NXN: variants seen among roughly 807,000 people sequenced by gnomAD.
NXN encodes the protein nucleoredoxin, also known as nucleoredoxin 1.
A neutral mutation model predicts 48.6 loss-of-function variants in NXN; 16 were observed. The ratio of observed to expected loss-of-function variants is 0.33; its 90% confidence interval spans 0.22 to 0.50. NXN has a LOEUF of 0.50. Ranked by LOEUF, NXN falls within the 20% of genes least tolerant of loss-of-function variation. NXN has a pLI of 0.98. For missense variants in NXN, 492 were observed against 605.5 expected (o/e 0.81, Z 1.97); for synonymous variants, 281 against 269.6 (o/e 1.04, Z -0.41).
Position 958,056 on chromosome 17 carries a change from C to T in NXN, c.360+21263G>A, listed in dbSNP as rs773855688. 3.9e-5 allele frequency among the ~76,000 whole-genome samples: 6 copies of T among 152,160 alleles called. No individual in the cohort carries two copies. Among genetic ancestry groups the T allele is most frequent in the African/African-American group, 9.7e-5 (4 of 41,434 alleles). ...CCTCTCGCTCCATCCTATACTTAGG[C>T]GCCTCGGCAGGATCAAATGAACCCT... On this transcript the variant is annotated intron_variant, in intron 1 of 7. Transcript: ENST00000336868. The surrounding 1 kb of genome is among the most constrained non-coding windows in gnomAD (Gnocchi z 6.9).
intron 1 of NXN, among the ~76,000 whole-genome samples, chr17:947,508 G>A (rs141666986): frequency 0.03 from 4,516 of 151,602 alleles, 209 homozygotes; most frequent in African/African-American, 0.1. Context: ...CGAGGTGGGC[G>A]GATCACTTGA....
chr17:937,247 G>A (rs979042979), intron 1 of NXN, among the ~76,000 whole-genome samples: 1 of 152,098 alleles, frequency 6.6e-6, no homozygotes, highest in Non-Finnish European at 1.5e-5. Context: ...GCCTCCCAAG[G>A]TGCTGGGTGC....
At chr17:862,956 GT>G (rs2068055974) in intron 1 of NXN, among the ~76,000 whole-genome samples, 1 of 152,142 alleles carries the variant, frequency 6.6e-6, no homozygotes, top group Admixed American at 6.5e-5. Flanking sequence ...GAACACCCTT[GT>G]TTTTAGGAGA....
At chr17:879,323 T>G (rs1232562887) in intron 1 of NXN, among the ~76,000 whole-genome samples, 4 of 148,658 alleles carry the variant, frequency 2.7e-5, no homozygotes, top group African/African-American at 9.9e-5. Flanking sequence ...AGAGTCTCAC[T>G]CTGTCACCCA....
intron 1 of NXN, among the ~76,000 whole-genome samples, chr17:838,149 T>TTTTTTA: frequency 6.8e-6 from 1 of 146,434 alleles, no homozygotes; most frequent in African/African-American, 2.6e-5. Flanking sequence ...TTTTTTTTTT[T>TTTTTTA]GAGATGGAGT....
Position 979,382 on chromosome 17 carries a change from C to T in NXN, c.297G>A (p.Gln99=). ...VFVSSDQDQR[Q]WQDFVRDMPW... ...GCATGTCCCGCACGAAGTCCTGCCA[C>T]TGCCGCTGGTCCTGGTCCGAGGACA... Residue 99 remains glutamine (Q), a synonymous_variant, in exon 1 of 8, where the codon CAG becomes CAA. Transcript: ENST00000336868. 1 of 1,529,426 alleles carries T rather than the reference C, an allele frequency of 6.5e-7. No homozygotes were observed. Among genetic ancestry groups the T allele is most frequent in the South Asian group, 1.2e-5 (1 of 86,648 alleles). The allele number at this position is 1,529,426 out of a possible 1,614,324, so 94.7% of individuals were successfully genotyped here.
At chr17:864,067 A>C (rs1324431122) in intron 1 of NXN, 1 of 1,479,266 alleles carries the variant, frequency 6.8e-7, no homozygotes, top group Admixed American at 2.1e-5. Context: ...GTTCCGGTGA[A>C]GGGGCACAGT....
At chr17:867,535 T>C (rs2068106408) in intron 1 of NXN, among the ~76,000 whole-genome samples, 1 of 152,242 alleles carries the variant, frequency 6.6e-6, no homozygotes, top group African/African-American at 2.4e-5. Flanking sequence ...CGAAAAGTTT[T>C]TTCTCAAAGC....
At chr17:880,076 G>C (rs957915421) in intron 1 of NXN, 13 of 152,144 alleles carry the variant, frequency 8.5e-5, no homozygotes, top group African/African-American at 3.1e-4. Flanking sequence ...TTTCATTAAA[G>C]GAATTTAAAA....
At chr17:873,318 G>A (rs1375983905) in intron 1 of NXN, among the ~76,000 whole-genome samples, 2 of 151,924 alleles carry the variant, frequency 1.3e-5, no homozygotes, top group African/African-American at 2.4e-5. Context: ...CCAACACGAT[G>A]AAACCCCATC....
chr17:909,892 A>G (rs7218626), intron 1 of NXN: 86,345 of 151,978 alleles, frequency 0.57, 25,034 homozygotes, highest in Admixed American at 0.66. Flanking sequence ...GGACTAACGG[A>G]AAACAGCGCG....
At chr17:801,173 G>C (rs1911183368) in intron 7 of NXN, 42 bp from the exon 8 acceptor site, 3 of 1,459,432 alleles carry the variant, frequency 2.1e-6, no homozygotes, top group Non-Finnish European at 2.7e-6. Flanking sequence ...AAGTTTTAAA[G>C]AAAGGAGGGG....
intron 1 of NXN, among the ~76,000 whole-genome samples, chr17:947,039 C>T (rs577830602): frequency 2.2e-4 from 34 of 152,274 alleles, no homozygotes; most frequent in African/African-American, 2.9e-4. Flanking sequence ...TGAGGAGAGA[C>T]GATACACGCC....
At chr17:875,926 G>A (rs958664787) in intron 1 of NXN, among the ~76,000 whole-genome samples, 4 of 152,256 alleles carry the variant, frequency 2.6e-5, no homozygotes, top group East Asian at 3.9e-4. Context: ...GCTCATGCCT[G>A]TGATCCCAGC....
chr17:850,363 C>A (rs1460374796), intron 1 of NXN, among the ~76,000 whole-genome samples: 2 of 152,214 alleles, frequency 1.3e-5, no homozygotes, highest in Non-Finnish European at 2.9e-5. Context: ...CTTCCCGGAC[C>A]TCCTGCTTCC....
chr17:944,590 T>C (rs997205137), intron 1 of NXN, among the ~76,000 whole-genome samples: 1 of 152,204 alleles, frequency 6.6e-6, no homozygotes, highest in African/African-American at 2.4e-5. Context: ...CAGCCCTTTT[T>C]TCCTCTCATC....
intron 1 of NXN, among the ~76,000 whole-genome samples, chr17:934,630 T>C (rs1238253504): frequency 1.3e-5 from 2 of 151,780 alleles, no homozygotes; most frequent in African/African-American, 4.8e-5. Flanking sequence ...TCCCAGCACT[T>C]TGGGAGGCCA....
chr17:907,409 A>C (rs2132513), intron 1 of NXN, among the ~76,000 whole-genome samples: 82,318 of 150,930 alleles, frequency 0.55, 22,805 homozygotes, highest in Admixed American at 0.66. Flanking sequence ...GAGTGATCTC[A>C]GCTCACTGCA....
intron 1 of NXN, among the ~76,000 whole-genome samples, chr17:941,225 A>T (rs2068970568): frequency 8.5e-6 from 1 of 117,246 alleles, no homozygotes; most frequent in Non-Finnish European, 1.8e-5. Flanking sequence ...TGAATTCACC[A>T]AACACCTTCC....
Sources: allele counts gnomAD v4.1 joint callset (sites outside exome capture counted in the v4.1 genomes callset), GRCh38; gene constraint gnomAD v4.1.1; non-coding constraint Gnocchi (gnomAD v3.1); transcripts MANE v1.5; gene names NCBI Gene and HGNC (gene_info 2026-07-23, HGNC 2026-07-21).